The following C10orf105 variants were observed in gnomAD, a reference collection of about 807,000 sequenced individuals.
C10orf105 encodes the protein uncharacterized protein C10orf105.
Under a neutral mutation model 0.6 loss-of-function variants are expected in C10orf105, and 2 were observed. The ratio of observed to expected loss-of-function variants is 3.18; its 90% CI spans 1.30 to 10.01. The LOEUF (loss-of-function observed/expected upper bound fraction) is 10.01. Among genes scored for constraint, C10orf105 ranks in the 30% most tolerant of loss-of-function variants. The pLI is 0.04. For synonymous variants in C10orf105, 95 were observed against 82.4 expected, an observed-to-expected ratio of 1.15 and a Z score of -0.83; for missense variants, 209 against 191.4, an observed-to-expected ratio of 1.09 and a Z score of -0.54.
intron 1 of C10orf105, chr10:71,732,397 G>A (rs727502926): frequency 1.9e-6 from 3 of 1,552,980 alleles, no homozygotes; most frequent in South Asian, 1.2e-5. Context: ...GGGGCAGGGA[G>A]CACCATTTCT....
chr10:71,714,258 A>T lies in C10orf105; in HGVS notation c.*1678T>A, dbSNP rs1294425904. Reference sequence around the variant, plus strand: ...CTGAGGGAAGATGAGGCTCTGTGTTATGCCAGCTTCCACCAAGACTCCTGC... The same window carrying T: ...CTGAGGGAAGATGAGGCTCTGTGTTTTGCCAGCTTCCACCAAGACTCCTGC... On this transcript the variant is annotated 3_prime_UTR_variant, in exon 2 of 2. Coordinates refer to ENST00000441508, the MANE Select transcript of C10orf105 (RefSeq NM_001164375.3). 1 of 152,034 alleles carries T rather than the reference A, an allele frequency of 6.6e-6. No individual in the cohort carries two copies. Among genetic ancestry groups the T allele is most frequent in the Non-Finnish European group, 1.5e-5 (1 of 68,010 alleles). The allele number at this position is 152,034 out of a possible 1,614,324, so 9.4% of individuals were successfully genotyped here. A position where few individuals can be genotyped will look rare whatever the true frequency, so the allele number is the denominator to read the frequency against.
At chr10:71,724,145 C>G (rs966632787), upstream of C10orf105, 1 of 1,546,750 alleles carries the variant, frequency 6.5e-7, no homozygotes, top group Non-Finnish European at 8.8e-7. Flanking sequence ...GGTCCTCCTG[C>G]CCAGGGGAGG....
At chr10:71,730,435 C>G (rs1431510477) in intron 1 of C10orf105, 1 of 1,609,838 alleles carries the variant, frequency 6.2e-7, no homozygotes, top group Non-Finnish European at 8.5e-7. Flanking sequence ...CTCCACCCCA[C>G]CCTGACCTTG....
upstream of C10orf105, chr10:71,723,919 G>T (rs894652488): frequency 9.4e-7 from 1 of 1,067,690 alleles, no homozygotes; most frequent in Admixed American, 2.0e-5. Context: ...CCCAGCCTCT[G>T]AGGGAGACCA....
chr10:71,723,700 G>A (rs759163776), upstream of C10orf105, among the ~76,000 whole-genome samples: 12 of 152,262 alleles, frequency 7.9e-5, no homozygotes, highest in Non-Finnish European at 1.5e-4. Context: ...AAAGGCTGCC[G>A]GGTAGGGAAT....
intron 1 of C10orf105, among the ~76,000 whole-genome samples, chr10:71,736,754 G>A (rs969714610): frequency 6.6e-6 from 1 of 152,212 alleles, no homozygotes; most frequent in African/African-American, 2.4e-5. Context: ...TCAGGTTACA[G>A]CAAGAAACCA....
upstream of C10orf105, among the ~76,000 whole-genome samples, chr10:71,724,480 T>C (rs1310901363): frequency 1.3e-5 from 2 of 152,324 alleles, no homozygotes; most frequent in East Asian, 3.9e-4. Flanking sequence ...TTTTTTGTGC[T>C]TTTAGTAGAG....
intron 1 of C10orf105, 177 bp from the exon 2 acceptor site, chr10:71,716,519 T>A: frequency 1.8e-6 from 1 of 544,356 alleles, no homozygotes; most frequent in South Asian, 2.7e-5. Flanking sequence ...AGTCTAAGTG[T>A]ACACACAGCT....
chr10:71,713,148 T>A lies in C10orf105; in HGVS notation c.*2788A>T. On this transcript the variant is annotated 3_prime_UTR_variant, in exon 2 of 2. Transcript: ENST00000441508. ...GACGTCACAATTTCCCGGAAAGGAG[T>A]TGAGAAGAGAGCCAGGGCCCAGCAA... 1 of 778,440 alleles carries A rather than the reference T, an allele frequency of 1.3e-6. No homozygotes were observed. The highest frequency in any genetic ancestry group is 1.3e-5 in the South Asian group (1 of 74,424). 48.2% of individuals were successfully genotyped at this position (778,440 alleles called of 1,614,324 possible).
chr10:71,727,707 T>C (rs1866881247), intron 1 of C10orf105, among the ~76,000 whole-genome samples: 1 of 152,136 alleles, frequency 6.6e-6, no homozygotes, highest in Admixed American at 6.5e-5. Flanking sequence ...CTCCTCTCCC[T>C]GTCCTCCTAA....
intron 1 of C10orf105, among the ~76,000 whole-genome samples, chr10:71,727,044 C>T (rs926733356): frequency 1.3e-5 from 2 of 152,212 alleles, no homozygotes; most frequent in Admixed American, 1.3e-4. Context: ...ACGTCCTGCC[C>T]GTCTCCCCTG....
chr10:71,730,288 C>T (rs1032437225), intron 1 of C10orf105, among the ~76,000 whole-genome samples: 4 of 152,198 alleles, frequency 2.6e-5, no homozygotes, highest in African/African-American at 7.2e-5. Context: ...ACCTGCCACG[C>T]GCCAGGTGCT....
chr10:71,732,531 C>A, intron 1 of C10orf105: 1 of 1,335,092 alleles, frequency 7.5e-7, no homozygotes, highest in Non-Finnish European at 1.0e-6. Flanking sequence ...GCTTGAGAGG[C>A]TGGGGCAGGA....
At chr10:71,717,109 G>A (rs552851486) in intron 1 of C10orf105, 4 of 152,262 alleles carry the variant, frequency 2.6e-5, no homozygotes, top group South Asian at 2.1e-4. Context: ...TTGCTCCCAC[G>A]ACAGGTGGGA....
intron 1 of C10orf105, among the ~76,000 whole-genome samples, chr10:71,736,215 C>T (rs1371776634): frequency 6.6e-6 from 1 of 152,264 alleles, no homozygotes; most frequent in Non-Finnish European, 1.5e-5. Flanking sequence ...GGCCCACCCC[C>T]TTTTGTTCTG....
chr10:71,732,073 G>T, intron 1 of C10orf105: 3 of 1,613,986 alleles, frequency 1.9e-6, no homozygotes, highest in Admixed American at 1.7e-5. Flanking sequence ...TATCATCACC[G>T]TGAATTACCT....
intron 1 of C10orf105, among the ~76,000 whole-genome samples, chr10:71,726,299 C>A (rs1472510264): frequency 6.6e-6 from 1 of 152,080 alleles, no homozygotes; most frequent in Non-Finnish European, 1.5e-5. Context: ...GCAGAGCAAG[C>A]AGGGACTTTC....
intron 1 of C10orf105, chr10:71,717,164 G>A (rs963990577): frequency 6.6e-6 from 1 of 152,320 alleles, no homozygotes; most frequent in African/African-American, 2.4e-5. Flanking sequence ...AGCCAGTGAA[G>A]GTTTTAGAGG....
intron 1 of C10orf105, among the ~76,000 whole-genome samples, chr10:71,730,106 G>A (rs1487146290): frequency 6.6e-6 from 1 of 152,100 alleles, no homozygotes; most frequent in Non-Finnish European, 1.5e-5. Context: ...AGTGCTGCTG[G>A]GATTACAGGC....
Sources: allele counts gnomAD v4.1 joint callset (sites outside exome capture counted in the v4.1 genomes callset), GRCh38; gene constraint gnomAD v4.1.1; transcripts MANE v1.5; gene names NCBI Gene and HGNC (gene_info 2026-07-23, HGNC 2026-07-21).